The following MAP4 variants were observed in gnomAD, a reference collection of about 807,000 sequenced individuals.
The protein encoded by MAP4 is microtubule associated protein 4, also known as microtubule-associated protein 4.
In MAP4, 76 loss-of-function variants were observed where a neutral mutation model predicts 170.2. That is an observed-to-expected ratio of 0.45 (90% confidence interval 0.37 to 0.54). MAP4 has a LOEUF of 0.54. Among genes scored for constraint, MAP4 ranks in the 20% least tolerant of loss-of-function variants. The probability of loss-of-function intolerance (pLI) is 0.00; values close to 1 mark genes in which losing one functional copy is unlikely to be tolerated. For missense variants in MAP4, 2,506 were observed against 2,748.0 expected (o/e 0.91, Z 1.97); for synonymous variants, 909 against 994.5 (o/e 0.91, Z 1.62).
Position 47,912,173 on chromosome 3 carries a change from G to A in MAP4, c.2248C>T (p.Pro750Ser). 6.5e-7 allele frequency: 1 copy of A among 1,536,128 alleles called. No individual in the cohort carries two copies. The highest frequency in any genetic ancestry group is 2.4e-5 in the East Asian group (1 of 40,920). Residue 750 changes from proline (P) to serine (S), a missense_variant, in exon 9 of 21, where the codon CCC becomes TCC. Around this residue, in one of 3 missense-constraint regions of MAP4, gnomAD observed 2,008 missense variants for 2,206.0 expected, o/e 0.91. Transcript: ENST00000683076. The part of the protein sequence containing the change: ...RKSIHVDSLE[P>S]QRDLGREAWD... ...GCCTCCCTGCCAAGATCCCTCTGGG[G>A]TTCAAGTGAGTCAACATGAATACTT...
At chr3:47,959,928 T>C (rs1316263541) in intron 3 of MAP4, among the ~76,000 whole-genome samples, 2 of 151,918 alleles carry the variant, frequency 1.3e-5, no homozygotes, top group African/African-American at 4.8e-5. Flanking sequence ...AGTGGTGCAA[T>C]CTTGGTTCAA....
At chr3:47,901,120 CAG>C (rs2100029743) in intron 10 of MAP4, among the ~76,000 whole-genome samples, 1 of 152,176 alleles carries the variant, frequency 6.6e-6, no homozygotes, top group Non-Finnish European at 1.5e-5. Context: ...GCCATACTTT[CAG>C]AGTCTCCTGT....
intron 1 of MAP4, among the ~76,000 whole-genome samples, chr3:48,033,839 G>A (rs893038783): frequency 2.0e-5 from 3 of 152,098 alleles, no homozygotes; most frequent in African/African-American, 7.2e-5. Context: ...CTGATCCTAG[G>A]TGATCTGCCC....
At chr3:47,935,821 C>A (rs1211007048) in intron 3 of MAP4, among the ~76,000 whole-genome samples, 1 of 151,286 alleles carries the variant, frequency 6.6e-6, no homozygotes, top group African/African-American at 2.4e-5. Context: ...TGTCTGTAGT[C>A]CCAGCTACTC....
At position 47,910,028 on chromosome 3, in the gene MAP4, C is replaced by T; in HGVS notation, c.4393G>A (p.Gly1465Arg). The T allele has an allele frequency of 6.2e-7, 1 of 1,613,964 alleles. No homozygotes were observed. The highest frequency in any genetic ancestry group is 1.6e-4 in the Middle Eastern group (1 of 6,062). The change falls in exon 9 of 21, where the codon GGG becomes AGG. Residue 1465 changes from glycine (G) to arginine (R), a missense_variant. This residue lies in a region of MAP4 where 2,008 missense variants were observed against 2,206.0 expected (regional missense o/e 0.91). Coordinates refer to ENST00000683076, the MANE Select transcript of MAP4 (RefSeq NM_001385682.1). Reference protein sequence around the residue: ...DSFPDTLAKNGQEIAPAQISK... With the variant: ...DSFPDTLAKNRQEIAPAQISK... ...ATCTGGGCTGGGGCTATCTCTTGCC[C>T]ATTTTTTGCCAAGGTATCTGGAAAG...
At chr3:48,071,859 G>A (rs573579146) in intron 1 of MAP4, among the ~76,000 whole-genome samples, 140 of 148,744 alleles carry the variant, frequency 9.4e-4, no homozygotes, top group African/African-American at 3.3e-3. Context: ...AGCCAAGATC[G>A]CGCCACTTCA....
intron 4 of MAP4, 78 bp from the exon 5 acceptor site, chr3:47,921,956 T>TC (rs985844514): frequency 6.9e-5 from 51 of 744,504 alleles, no homozygotes; most frequent in East Asian, 2.9e-4. Context: ...TTTCTTTCTT[T>TC]TTTTTTTTTG....
upstream of MAP4, among the ~76,000 whole-genome samples, chr3:48,020,039 T>A (rs935093026): frequency 2.6e-5 from 4 of 152,128 alleles, no homozygotes; most frequent in African/African-American, 9.7e-5. Context: ...TTTGTGGGGT[T>A]TTTGAGACGG....
At chr3:48,045,189 C>T (rs187826773) in intron 1 of MAP4, among the ~76,000 whole-genome samples, 1 of 130,704 alleles carries the variant, frequency 7.7e-6, no homozygotes, top group African/African-American at 2.9e-5. Flanking sequence ...ACCCAGGAGG[C>T]GGAGGTTGCA....
Position 48,087,731 on chromosome 3 carries a change from ACACACACGCACGCG to A in MAP4, c.-20+1028_-20+1041del, listed in dbSNP as rs71074209. Among the ~76,000 whole-genome samples the A allele has an allele frequency of 6.7e-3, 779 of 116,146 alleles. 4 individuals are homozygous for A. Among genetic ancestry groups the A allele is most frequent in the African/African-American group, 0.021 (616 of 29,350 alleles). 76.2% of individuals were successfully genotyped at this position (116,146 alleles called of 152,430 possible). ...CACACACACATACACACGCACGCGC[ACACACACGCACGCG>A]CACACACACACACACACACACACAC... On this transcript the variant is annotated intron_variant, in intron 1 of 18. Coordinates refer to the MAP4 transcript ENST00000360240.
chr3:47,884,904 G>T (rs940721958), intron 10 of MAP4, among the ~76,000 whole-genome samples: 14 of 152,136 alleles, frequency 9.2e-5, no homozygotes, highest in South Asian at 4.1e-4. Flanking sequence ...TACCTGGTAG[G>T]GGACAGGCCT....
rs1285143949 is a variant in MAP4 at position 47,912,441 on chromosome 3, ACTC to A, written c.2000-23_2000-21del. 34 of 1,450,352 alleles carry A rather than the reference ACTC, an allele frequency of 2.3e-5. No individual in the cohort carries two copies. The highest frequency in any genetic ancestry group is 7.1e-5 in the South Asian group (5 of 70,844). 89.8% of individuals were successfully genotyped at this position (1,450,352 alleles called of 1,614,324 possible). On this transcript the variant is annotated intron_variant, in intron 8 of 20. Transcript: ENST00000683076. The stretch of plus-strand genomic sequence containing the variant: ...AGTTGGCTAAAATTCCAAACAAAAA[ACTC>A]CTCGTTATTGTTTCTTAAAAACAAC...
intron 1 of MAP4, among the ~76,000 whole-genome samples, chr3:48,074,676 T>TTGTGTGTGTGTGTGTGTGTGTGTGTGTG (rs555691222): frequency 1.1e-5 from 1 of 90,638 alleles, no homozygotes. Flanking sequence ...ATCCAGCTAA[T>TTGTGTGTGTGTGTGTGTGTGTGTGTGTG]TGTGTGTGTG....
At chr3:48,005,824 T>C (rs1334224037) in intron 1 of MAP4, among the ~76,000 whole-genome samples, 1 of 152,238 alleles carries the variant, frequency 6.6e-6, no homozygotes, top group Non-Finnish European at 1.5e-5. Flanking sequence ...CTTCTCTGCA[T>C]GTCAGACCTA....
Position 47,855,155 on chromosome 3 carries a change from G to A in MAP4, c.6696+93C>T, listed in dbSNP as rs2052826062. ...ACATGACTCCTGAAGAGACTGAGGG[G>A]CGGTGACAGGTGCCTACCTGTGAGG... On this transcript the variant is annotated intron_variant, in intron 19 of 20. Transcript: ENST00000683076. The surrounding 1 kb of genome is among the most constrained non-coding windows in gnomAD (Gnocchi z 5.1). 3 of 791,082 alleles carry A rather than the reference G, an allele frequency of 3.8e-6. No individual in the cohort carries two copies. In the Admixed American group the frequency reaches 5.5e-5, roughly 14 times the overall value. The allele number at this position is 791,082 out of a possible 1,614,324, so 49.0% of individuals were successfully genotyped here.
rs74703535 is a variant in MAP4 at position 47,946,101 on chromosome 3, A to ATT, written c.293-17753_293-17752dup. On this transcript the variant is annotated intron_variant, in intron 3 of 20. Transcript: ENST00000683076. ...AGGCGCCCGCCACCATGCTTGGCTA[A>ATT]TTTTTTTTTTTTTTTGTAGTTTTAG... is the stretch of plus-strand genomic sequence containing the variant. Among the ~76,000 whole-genome samples, 532 of 138,232 alleles carry ATT rather than the reference A, an allele frequency of 3.8e-3. 8 individuals are homozygous for ATT. Among genetic ancestry groups the ATT allele is most frequent in the African/African-American group, 0.014 (514 of 37,930 alleles). 90.7% of individuals were successfully genotyped at this position (138,232 alleles called of 152,430 possible). A position where few individuals can be genotyped will look rare whatever the true frequency, so the allele number is the denominator to read the frequency against.
intron 10 of MAP4, among the ~76,000 whole-genome samples, chr3:47,878,271 T>C (rs1486192882): frequency 6.6e-6 from 1 of 152,088 alleles, no homozygotes; most frequent in Non-Finnish European, 1.5e-5. Context: ...AAAACTTCAA[T>C]GTGGCAAAAA....
intron 3 of MAP4, among the ~76,000 whole-genome samples, chr3:47,935,857 T>C (rs1197844624): frequency 1.3e-5 from 2 of 148,872 alleles, no homozygotes; most frequent in East Asian, 4.0e-4. Flanking sequence ...GAGAATTGCT[T>C]GAACCCGGGA....
intron 6 of MAP4, among the ~76,000 whole-genome samples, chr3:47,917,753 G>C (rs578150362): frequency 6.6e-6 from 1 of 152,076 alleles, no homozygotes; most frequent in African/African-American, 2.4e-5. Context: ...AAATAACACG[G>C]GCACAGAATT....
Sources: allele counts gnomAD v4.1 joint callset (sites outside exome capture counted in the v4.1 genomes callset), GRCh38; gene constraint gnomAD v4.1.1; regional missense constraint gnomAD v4.1.1; non-coding constraint Gnocchi (gnomAD v3.1); transcripts MANE v1.5; gene names NCBI Gene and HGNC (gene_info 2026-07-23, HGNC 2026-07-21).